Variants in PTPRZ1 observed in about 807,000 individuals in gnomAD.
PTPRZ1 encodes receptor-type tyrosine-protein phosphatase zeta.
A neutral mutation model predicts 214.1 loss-of-function variants in PTPRZ1; 82 were observed. That is an observed-to-expected ratio of 0.38 (90% confidence interval 0.32 to 0.46). The LOEUF (loss-of-function observed/expected upper bound fraction) is 0.46. PTPRZ1 is among the 20% of genes least tolerant of loss of function. PTPRZ1 has a pLI of 1.00. For missense variants in PTPRZ1, 2,603 were observed against 2,748.7 expected (o/e 0.95, Z 1.19); for synonymous variants, 945 against 987.9 (o/e 0.96, Z 0.81).
intron 9 of PTPRZ1, 67 bp downstream of exon 9, chr7:121,996,633 C>G: frequency 8.1e-7 from 1 of 1,229,446 alleles, no homozygotes; most frequent in South Asian, 2.2e-5. Flanking sequence ...TAAGAACTTA[C>G]AAATGGTTGT....
Position 122,051,951 on chromosome 7 carries a change from A to G in PTPRZ1, c.6252+12A>G. 1 of 1,588,632 alleles carries G rather than the reference A, an allele frequency of 6.3e-7. No homozygotes were observed. Among genetic ancestry groups the G allele is most frequent in the South Asian group, 1.2e-5 (1 of 86,320 alleles). On this transcript the variant is annotated intron_variant, in intron 25 of 29. Transcript: ENST00000393386. The stretch of plus-strand genomic sequence containing the variant: ...CCTCCTATATCATGGTAAGTCAGAG[A>G]AGTCACTGAGGAGACTGCCAGCTTG...
intron 2 of PTPRZ1, among the ~76,000 whole-genome samples, chr7:121,943,703 T>C (rs979956937): frequency 7.9e-5 from 12 of 152,244 alleles, no homozygotes; most frequent in African/African-American, 2.9e-4. Flanking sequence ...CTGGAGGGCT[T>C]ACTGAAAAAA....
chr7:121,996,592 A>G (rs767792973), intron 9 of PTPRZ1, 26 bp downstream of exon 9: 4 of 1,488,454 alleles, frequency 2.7e-6, no homozygotes, highest in East Asian at 2.3e-5. Context: ...GTTGTTTTAC[A>G]TAGGGTAACA....
intron 23 of PTPRZ1, among the ~76,000 whole-genome samples, chr7:122,051,071 T>C (rs1792164771): frequency 6.6e-6 from 1 of 152,114 alleles, no homozygotes; most frequent in Non-Finnish European, 1.5e-5. Flanking sequence ...TACATATATA[T>C]GTATATACAC....
chr7:121,907,041 T>C (rs543548361), intron 1 of PTPRZ1, among the ~76,000 whole-genome samples: 7 of 152,166 alleles, frequency 4.6e-5, no homozygotes, highest in Non-Finnish European at 8.8e-5. Flanking sequence ...AAGTCTCTTA[T>C]GTGTGAATAT....
Position 122,054,005 on chromosome 7 carries a change from A to C in PTPRZ1, c.6348A>C (p.Gln2116His), listed in dbSNP as rs1792270897. 1 of 1,613,272 alleles carries C rather than the reference A, an allele frequency of 6.2e-7. No individual in the cohort carries two copies. Among genetic ancestry groups the C allele is most frequent in the Middle Eastern group, 1.7e-4 (1 of 6,054 alleles). The change falls in exon 26 of 30, where the codon CAA becomes CAC. Residue 2116 changes from glutamine (Q) to histidine (H), a missense_variant. Around this residue, in one of 6 missense-constraint regions of PTPRZ1, gnomAD observed 134 missense variants for 183.3 expected, o/e 0.73. Coordinates refer to ENST00000393386, the MANE Select transcript of PTPRZ1 (RefSeq NM_002851.3). The stretch of plus-strand genomic sequence containing the variant: ...GGATGATATGGGACCATAATGCCCA[A>C]CTGGTGGTTATGATTCCTGATGGCC... Reference protein sequence around the residue: ...FWRMIWDHNAQLVVMIPDGQN... With the variant: ...FWRMIWDHNAHLVVMIPDGQN...
Position 122,034,371 on chromosome 7 carries a change from C to A in PTPRZ1, c.5277C>A (p.Ile1759=), listed in dbSNP as rs979354018. Residue 1759 remains isoleucine, a synonymous_variant, in exon 17 of 30, where the codon ATC becomes ATA. Coordinates refer to ENST00000393386, the MANE Select transcript of PTPRZ1 (RefSeq NM_002851.3). The part of the protein sequence containing the change: ...DNKHKNRYIN[I]VAYDHSRVKL... ...AGCACAAGAATCGATACATAAATAT[C>A]GTTGCCTGTAAGTATATTCTTAAAT... 39 of 1,612,086 alleles carry A rather than the reference C, an allele frequency of 2.4e-5. No individual in the cohort carries two copies. The highest frequency in any genetic ancestry group is 3.2e-5 in the Non-Finnish European group (38 of 1,178,856).
intron 2 of PTPRZ1, among the ~76,000 whole-genome samples, chr7:121,948,261 A>G (rs1796445849): frequency 6.6e-6 from 1 of 152,140 alleles, no homozygotes; most frequent in Admixed American, 6.5e-5. Context: ...TTCTATTAGA[A>G]AGAAAAAGAC....
At chr7:122,025,637 G>T (rs756808208) in intron 13 of PTPRZ1, among the ~76,000 whole-genome samples, 3 of 152,094 alleles carry the variant, frequency 2.0e-5, no homozygotes, top group Non-Finnish European at 4.4e-5. Context: ...AGCCAAAACA[G>T]TCTTTATGTA....
chr7:121,943,028 T>C (rs1796273452), intron 2 of PTPRZ1, among the ~76,000 whole-genome samples: 1 of 152,228 alleles, frequency 6.6e-6, no homozygotes, highest in Admixed American at 6.5e-5. Context: ...TACTGAACAA[T>C]TATTTATTAT....
chr7:121,937,841 C>G (rs1796128374), intron 2 of PTPRZ1, among the ~76,000 whole-genome samples: 1 of 152,162 alleles, frequency 6.6e-6, no homozygotes. Flanking sequence ...TAGATGCCTT[C>G]TGATCGGATT....
At chr7:121,947,207 G>GA (rs566297615) in intron 2 of PTPRZ1, among the ~76,000 whole-genome samples, 86 of 148,462 alleles carry the variant, frequency 5.8e-4, no homozygotes, top group Non-Finnish European at 1.1e-3. Context: ...AGTGGTTCAA[G>GA]AAAAAAAAGT....
In PTPRZ1 at chr7:122,028,618, T is replaced by C; in HGVS notation, c.5055T>C (p.Pro1685=). The part of the protein sequence containing the change: ...DSTSPRVIST[P]PTPIFPISDD... ...CATCCCCTAGAGTTATATCCACACC[T>C]CCAACACCTATCTTTCCAATTTCAG... The change falls in exon 14 of 30, where the codon CCT becomes CCC. Residue 1685 remains proline (P), a synonymous_variant. Transcript: ENST00000393386. The C allele has an allele frequency of 6.5e-7, 1 of 1,539,812 alleles. No homozygotes were observed. Among genetic ancestry groups the C allele is most frequent in the Admixed American group, 1.7e-5 (1 of 59,826 alleles).
At chr7:121,938,711 C>CT (rs970624528) in intron 2 of PTPRZ1, among the ~76,000 whole-genome samples, 2 of 147,090 alleles carry the variant, frequency 1.4e-5, no homozygotes, top group African/African-American at 5.0e-5. Context: ...ACAACGATCT[C>CT]TTTTCTAAAG....
intron 8 of PTPRZ1, among the ~76,000 whole-genome samples, chr7:121,990,400 C>A (rs963368485): frequency 3.3e-5 from 5 of 151,670 alleles, no homozygotes; most frequent in Admixed American, 6.6e-5. Flanking sequence ...ATGGAGAGTG[C>A]CATTTATTAG....
chr7:121,999,638 AATT>A (rs1798261397), intron 10 of PTPRZ1, among the ~76,000 whole-genome samples: 1 of 152,160 alleles, frequency 6.6e-6, no homozygotes, highest in South Asian at 2.1e-4. Flanking sequence ...GTTTGCAAAA[AATT>A]ATTACTTTTA....
chr7:122,014,539 C>T (rs570153181), intron 12 of PTPRZ1, among the ~76,000 whole-genome samples: 1 of 152,170 alleles, frequency 6.6e-6, no homozygotes, highest in East Asian at 1.9e-4. Flanking sequence ...CCCAGGTTCA[C>T]GCCATTCTCC....
chr7:122,013,081 T>TGGTAA lies in PTPRZ1; in HGVS notation c.4040_4044dup (p.Phe1349ArgfsTer23). On this transcript the variant is annotated frameshift_variant, in exon 12 of 30. Coordinates refer to ENST00000393386, the MANE Select transcript of PTPRZ1 (RefSeq NM_002851.3). LOFTEE classifies it high-confidence loss of function. The stretch of plus-strand genomic sequence containing the variant: ...TAACCTCCACCAAAAGTTCTGTTAC[T>TGGTAA]GGTAAGGTATTTGCTGGTATTCCAA... 2 of 1,613,642 alleles carry TGGTAA rather than the reference T, an allele frequency of 1.2e-6. No homozygotes were observed. Among genetic ancestry groups the TGGTAA allele is most frequent in the Non-Finnish European group, 1.7e-6 (2 of 1,179,500 alleles).
intron 1 of PTPRZ1, among the ~76,000 whole-genome samples, chr7:121,891,312 A>C (rs1199965942): frequency 6.6e-6 from 1 of 151,792 alleles, no homozygotes; most frequent in African/African-American, 2.4e-5. Context: ...TTTCTAAATT[A>C]TTTTATTCTC....
Sources: gnomAD v4.1 joint callset for allele counts (sites outside exome capture counted in the v4.1 genomes callset) on GRCh38, gnomAD v4.1.1 for gene constraint, gnomAD v4.1.1 regional missense constraint, MANE v1.5 for transcripts, NCBI Gene and HGNC (gene_info 2026-07-23, HGNC 2026-07-21) for gene names.